MACF1: variants seen among roughly 807,000 people sequenced by gnomAD.
MACF1 encodes microtubule actin crosslinking factor 1.
Under a neutral mutation model 854.8 loss-of-function variants are expected in MACF1, and 193 were observed. The ratio of observed to expected loss-of-function variants is 0.23; its 90% CI spans 0.20 to 0.25. The LOEUF is 0.25. MACF1 is among the 10% of genes least tolerant of loss of function. The probability of loss-of-function intolerance (pLI) is 1.00; values close to 1 mark genes in which losing one functional copy is unlikely to be tolerated. For missense variants in MACF1, 7,722 were observed against 8,929.1 expected (o/e 0.86, Z 5.45); for synonymous variants, 3,185 against 3,226.7 (o/e 0.99, Z 0.44).
rs1421628648 is a variant in MACF1, at chr1:39,334,619, T to C, written c.8031T>C (p.Phe2677=). Residue 2677 remains phenylalanine, a synonymous_variant, in exon 37 of 101, where the codon TTT becomes TTC. Transcript: ENST00000564288. The stretch of plus-strand genomic sequence containing the variant: ...CAATTCAGCTTGGAAAAGTAGACTT[T>C]GCATCTACGCTGAAGGTTCTAGAAG... ...SQAIQLGKVD[F]ASTLKVLEAQ... is the part of the protein sequence containing the mutation. 1 of 1,614,106 alleles carries C rather than the reference T, an allele frequency of 6.2e-7. No individual in the cohort carries two copies. Among genetic ancestry groups the C allele is most frequent in the Non-Finnish European group, 8.5e-7 (1 of 1,180,006 alleles).
intron 33 of MACF1, among the ~76,000 whole-genome samples, chr1:39,323,987 T>G (rs527869702): frequency 6.6e-6 from 1 of 152,312 alleles, no homozygotes; most frequent in African/African-American, 2.4e-5. Context: ...AGAAAGGTAT[T>G]AAACCTAGGT....
In MACF1 at chr1:39,435,781, T is replaced by C; in HGVS notation, c.17988+20T>C. ...ACACAGGTATGTGTGTGTCTGACAC[T>C]CATAACCTTGAATTGTCTACTGTTC... On this transcript the variant is annotated intron_variant, in intron 70 of 100. Transcript: ENST00000564288. 1.9e-6 allele frequency: 3 copies of C among 1,608,708 alleles called. No individual in the cohort carries two copies. Among genetic ancestry groups the C allele is most frequent in the Middle Eastern group, 1.7e-4 (1 of 5,994 alleles).
chr1:39,330,802 CTT>C (rs543557691), intron 36 of MACF1, among the ~76,000 whole-genome samples: 41 of 139,856 alleles, frequency 2.9e-4, no homozygotes, highest in African/African-American at 3.2e-4. Context: ...TACTGTAGTA[CTT>C]TTTTTTTTTT....
intron 1 of MACF1, among the ~76,000 whole-genome samples, chr1:39,225,286 G>A (rs894738653): frequency 2.7e-5 from 4 of 146,296 alleles, no homozygotes; most frequent in African/African-American, 5.1e-5. Context: ...GCGCAATCTC[G>A]GCTCACTGCA....
At chr1:39,304,589 AGC>A (rs1255869224) in intron 23 of MACF1, 1 of 729,896 alleles carries the variant, frequency 1.4e-6, no homozygotes, top group Non-Finnish European at 2.2e-6. Flanking sequence ...CTTGAGACAG[AGC>A]CTTGCTCTGT....
chr1:39,118,378 G>T (rs938293452), intron 2 of MACF1, among the ~76,000 whole-genome samples: 1 of 152,212 alleles, frequency 6.6e-6, no homozygotes, highest in African/African-American at 2.4e-5. Context: ...GGAAAACAGG[G>T]ACCAGAGTAG....
At chr1:39,227,886 G>A (rs1405465183) in intron 1 of MACF1, among the ~76,000 whole-genome samples, 2 of 152,134 alleles carry the variant, frequency 1.3e-5, no homozygotes, top group African/African-American at 4.8e-5. Context: ...GTTAGATAGA[G>A]TCACTCCTCC....
intron 6 of MACF1, among the ~76,000 whole-genome samples, chr1:39,272,531 T>G (rs1413468789): frequency 6.6e-6 from 1 of 152,208 alleles, no homozygotes; most frequent in East Asian, 1.9e-4. Context: ...TGGTGGTGGT[T>G]TTGTTTTTAA....
Position 39,300,324 on chromosome 1 carries a change from A to G in MACF1, c.2596A>G (p.Ile866Val), listed in dbSNP as rs1404532369. The G allele has an allele frequency of 2.5e-6, 4 of 1,613,870 alleles. No homozygotes were observed. Among genetic ancestry groups the G allele is most frequent in the Non-Finnish European group, 3.4e-6 (4 of 1,179,996 alleles). Residue 866 changes from isoleucine (I) to valine (V), a missense_variant, in exon 22 of 101, where the codon ATT becomes GTT. Ile to Val is a conservative substitution (Grantham distance 29, BLOSUM62 3). Around this residue, in one of 15 missense-constraint regions of MACF1, gnomAD observed 1,137 missense variants for 1,263.0 expected, o/e 0.90. Transcript: ENST00000564288. ...RSPDHVLKNT[I>V]SVKAVCDYRQ... ...TCCAGACCATGTGTTAAAGAACACC[A>G]TTTCTGTCAAGGCTGTCTGTGACTA... is the stretch of plus-strand genomic sequence containing the variant.
At chr1:39,349,350 T>C in intron 41 of MACF1, 128 bp from the exon 42 acceptor site, 1 of 866,632 alleles carries the variant, frequency 1.2e-6, no homozygotes, top group Non-Finnish European at 1.8e-6. Context: ...TGTCTTTTCC[T>C]ATTCTAGTCT....
chr1:39,272,827 A>G (rs1285594062), intron 6 of MACF1, among the ~76,000 whole-genome samples: 2 of 152,236 alleles, frequency 1.3e-5, no homozygotes, highest in Non-Finnish European at 2.9e-5. Flanking sequence ...AAGCAAGATG[A>G]CAAGGGTCAG....
At chr1:39,124,393 T>G (rs1157663778) in intron 2 of MACF1, among the ~76,000 whole-genome samples, 2 of 152,158 alleles carry the variant, frequency 1.3e-5, no homozygotes, top group South Asian at 4.1e-4. Context: ...AACTCTCTAT[T>G]TCATAGGGTT....
At chr1:39,112,483 G>C (rs1427136762) in intron 2 of MACF1, among the ~76,000 whole-genome samples, 1 of 152,120 alleles carries the variant, frequency 6.6e-6, no homozygotes, top group East Asian at 1.9e-4. Context: ...AGGAGTTCGA[G>C]ACCAGTCAAC....
intron 49 of MACF1, 70 bp downstream of exon 49, chr1:39,361,747 G>C: frequency 1.4e-6 from 2 of 1,449,580 alleles, no homozygotes. Flanking sequence ...AGCATTTGCT[G>C]AGCGCATACT....
chr1:39,272,767 A>G (rs576850544), intron 6 of MACF1, among the ~76,000 whole-genome samples: 3 of 152,308 alleles, frequency 2.0e-5, no homozygotes, highest in African/African-American at 7.2e-5. Flanking sequence ...CTGCTTTTCT[A>G]TTCACCTAGT....
At chr1:39,379,120 G>T (rs1008192017) in intron 53 of MACF1, 83 bp from the exon 54 acceptor site, 2 of 1,362,984 alleles carry the variant, frequency 1.5e-6, no homozygotes, top group Non-Finnish European at 2.0e-6. Context: ...GAGTAAGAGA[G>T]ATGCAAGTAA....
chr1:39,260,078 G>A (rs1645144026), intron 6 of MACF1, among the ~76,000 whole-genome samples: 2 of 152,038 alleles, frequency 1.3e-5, no homozygotes, highest in South Asian at 4.2e-4. Context: ...GGATTTTTAA[G>A]CAGACTTAAT....
At chr1:39,297,392 A>G (rs1645946632) in intron 20 of MACF1, among the ~76,000 whole-genome samples, 1 of 152,176 alleles carries the variant, frequency 6.6e-6, no homozygotes, top group Non-Finnish European at 1.5e-5. Flanking sequence ...GAAACAGGCT[A>G]ACTTTTCGGT....
intron 6 of MACF1, among the ~76,000 whole-genome samples, chr1:39,271,970 A>G (rs931536984): frequency 6.6e-6 from 1 of 152,232 alleles, no homozygotes; most frequent in Non-Finnish European, 1.5e-5. Context: ...TTTGCTGTTC[A>G]GTATGATTCA....
Sources: gnomAD v4.1 joint callset for allele counts (sites outside exome capture counted in the v4.1 genomes callset) on GRCh38, gnomAD v4.1.1 for gene constraint, gnomAD v4.1.1 regional missense constraint, MANE v1.5 for transcripts, NCBI Gene and HGNC (gene_info 2026-07-23, HGNC 2026-07-21) for gene names.